PHEX: variants seen among roughly 807,000 people sequenced by gnomAD.
PHEX encodes the protein phosphate-regulating neutral endopeptidase PHEX.
A neutral mutation model predicts 68.0 loss-of-function variants in PHEX; 16 were observed. The observed-to-expected ratio is 0.24, with a 90% CI of 0.16 to 0.36. The LOEUF is 0.36. Among genes scored for constraint, PHEX ranks in the 10% least tolerant of loss-of-function variants. The pLI is 1.00. For missense variants in PHEX, 480 were observed against 575.5 expected (o/e 0.83, Z 1.70); for synonymous variants, 208 against 205.1 (o/e 1.01, Z -0.12).
At chrX:22,094,837 T>A (rs1930062636) in intron 7 of PHEX, among the ~76,000 whole-genome samples, 1 of 112,138 alleles carries the variant, frequency 8.9e-6, no homozygotes, top group African/African-American at 3.2e-5. Flanking sequence ...AATGGTTAGC[T>A]TTGTTTATGG....
At chrX:22,042,327 T>C (rs1663480149) in intron 2 of PHEX, among the ~76,000 whole-genome samples, 1 of 111,970 alleles carries the variant, frequency 8.9e-6, no homozygotes, top group African/African-American at 3.2e-5. Context: ...TGCATGCTCA[T>C]GATCACAGAT....
At chrX:22,221,117 T>C (rs5904623) in intron 17 of PHEX, among the ~76,000 whole-genome samples, 32,176 of 110,592 alleles carry the variant, frequency 0.29, 3,567 homozygotes, top group Middle Eastern at 0.35. Context: ...TATGTGTCTT[T>C]CAGCTCCTGG....
intron 3 of PHEX, among the ~76,000 whole-genome samples, chrX:22,061,166 G>A (rs753403896): frequency 1.8e-5 from 2 of 112,039 alleles, no homozygotes; most frequent in African/African-American, 3.2e-5. Flanking sequence ...AGATGACTCA[G>A]ATGTCCTGCG....
At chrX:22,224,492 G>C (rs1378038214) in intron 18 of PHEX, among the ~76,000 whole-genome samples, 2 of 111,606 alleles carry the variant, frequency 1.8e-5, no homozygotes, top group African/African-American at 6.5e-5. Context: ...TAACCTCCCA[G>C]CGGTCTCCAG....
intron 14 of PHEX, among the ~76,000 whole-genome samples, chrX:22,179,314 AT>A (rs1194686622): frequency 5.4e-5 from 6 of 110,640 alleles, no homozygotes; most frequent in South Asian, 3.8e-4. Context: ...TTGTATTATT[AT>A]TTTTTTAACT....
intron 20 of PHEX, among the ~76,000 whole-genome samples, chrX:22,239,795 G>T (rs1936120244): frequency 9.0e-6 from 1 of 111,545 alleles, no homozygotes; most frequent in South Asian, 3.8e-4. Context: ...GGGGAGAATG[G>T]AACCAAGTTG....
intron 6 of PHEX, among the ~76,000 whole-genome samples, chrX:22,092,497 C>T (rs1384917024): frequency 3.6e-5 from 4 of 110,443 alleles, no homozygotes; most frequent in African/African-American, 1.3e-4. Context: ...CTCAGCCTCC[C>T]GAGTAGCTGG....
At chrX:22,231,078 G>A (rs773189086) in intron 20 of PHEX, among the ~76,000 whole-genome samples, 12 of 112,298 alleles carry the variant, frequency 1.1e-4, no homozygotes, top group Admixed American at 2.8e-4. Context: ...TTATTGATTT[G>A]CATATGTTAA....
chrX:22,197,427 A>G (rs752026720), intron 15 of PHEX, among the ~76,000 whole-genome samples: 1 of 110,967 alleles, frequency 9.0e-6, no homozygotes, highest in South Asian at 3.9e-4. Flanking sequence ...TTTTTTGGAT[A>G]ATGTTCACTC....
At chrX:22,232,286 C>G (rs1308103324) in intron 20 of PHEX, among the ~76,000 whole-genome samples, 3 of 111,052 alleles carry the variant, frequency 2.7e-5, no homozygotes, top group African/African-American at 9.8e-5. Flanking sequence ...CCTATTAGGT[C>G]CACTTGGTCC....
chrX:22,132,446 C>T (rs1041837756), intron 11 of PHEX, among the ~76,000 whole-genome samples: 1 of 111,110 alleles, frequency 9.0e-6, no homozygotes, highest in African/African-American at 3.3e-5. Flanking sequence ...CAAGACTTTT[C>T]TGAGCTGCCA....
At chrX:22,232,703 A>T (rs1335270097) in intron 20 of PHEX, among the ~76,000 whole-genome samples, 9 of 98,257 alleles carry the variant, frequency 9.2e-5, no homozygotes, top group Non-Finnish European at 1.2e-4. Context: ...TTTGCATGTG[A>T]GATGGGTTTC....
chrX:22,242,605 A>C (rs1377704638), intron 20 of PHEX, among the ~76,000 whole-genome samples: 1 of 111,929 alleles, frequency 8.9e-6, no homozygotes, highest in Non-Finnish European at 1.9e-5. Flanking sequence ...TCAATGTGCA[A>C]AAATCCCAAG....
chrX:22,125,219 A>G (rs186856644), intron 11 of PHEX, among the ~76,000 whole-genome samples: 1 of 111,936 alleles, frequency 8.9e-6, no homozygotes, highest in African/African-American at 3.2e-5. Flanking sequence ...CTTCAGGGTT[A>G]TCCACATAAA....
chrX:22,245,492 C>A (rs1308205495), intron 21 of PHEX, 83 bp downstream of exon 21: 2 of 660,207 alleles, frequency 3.0e-6, no homozygotes, highest in African/African-American at 4.4e-5. Flanking sequence ...AGGGCTCTAC[C>A]AGATAGGTGA....
chrX:22,117,286 C>A (rs1408392924), intron 11 of PHEX, among the ~76,000 whole-genome samples: 1 of 111,502 alleles, frequency 9.0e-6, no homozygotes, highest in Non-Finnish European at 1.9e-5. Context: ...TCATTTGCAT[C>A]TCGTTATTGG....
chrX:22,195,928 G>A, intron 15 of PHEX, among the ~76,000 whole-genome samples: 1 of 111,762 alleles, frequency 8.9e-6, no homozygotes. Context: ...TGTAATCCCA[G>A]CACTTTGGGA....
intron 11 of PHEX, among the ~76,000 whole-genome samples, chrX:22,132,690 G>A (rs1392993855): frequency 1.8e-5 from 2 of 111,131 alleles, no homozygotes; most frequent in African/African-American, 6.6e-5. Flanking sequence ...TGCCTTTCCT[G>A]TCTCTCTCAG....
At chrX:22,236,539 T>C (rs1435193147) in intron 20 of PHEX, among the ~76,000 whole-genome samples, 1 of 112,973 alleles carries the variant, frequency 8.9e-6, no homozygotes, top group East Asian at 2.8e-4. Flanking sequence ...TATACAAAAA[T>C]AGAACTTTCT....
Sources: gnomAD v4.1 joint callset for allele counts (sites outside exome capture counted in the v4.1 genomes callset) on GRCh38, gnomAD v4.1.1 for gene constraint, MANE v1.5 for transcripts, NCBI Gene and HGNC (gene_info 2026-07-23, HGNC 2026-07-21) for gene names.